Variants in UNC13C observed in about 807,000 individuals in gnomAD.
UNC13C encodes unc-13 homolog C.
UNC13C carries 174 observed loss-of-function variants against 245.4 expected under a neutral mutation model. The ratio of observed to expected loss-of-function variants is 0.71; its 90% CI spans 0.63 to 0.80. UNC13C has a LOEUF of 0.80. UNC13C is among the 30% of genes least tolerant of loss of function. The pLI is 0.00. For synonymous variants in UNC13C, 992 were observed against 895.1 expected (o/e 1.11, Z -1.93); for missense variants, 2,829 against 2,602.9 (o/e 1.09, Z -1.89).
Position 54,197,266 on chromosome 15 carries a change from CAGG to C in UNC13C, c.3072-37761_3072-37759del, listed in dbSNP as rs1422795520. Among the ~76,000 whole-genome samples, 21 of 152,128 alleles carry C rather than the reference CAGG, an allele frequency of 1.4e-4. No homozygotes were observed. In the South Asian group the frequency reaches 4.4e-3, roughly 32 times the overall value. On this transcript the variant is annotated intron_variant, in intron 4 of 32. Transcript: ENST00000260323. The stretch of plus-strand genomic sequence containing the variant: ...CCAAGGCAGGAAGATCACCTGAGGT[CAGG>C]AGATCGAGACCAGCCTGGCCAACAT...
In UNC13C at chr15:54,507,150, A is replaced by G. The variant is rs1017047715; in HGVS notation, c.5335A>G (p.Ile1779Val). The G allele has an allele frequency of 5.0e-6, 8 of 1,600,182 alleles. No individual in the cohort carries two copies. Among genetic ancestry groups the G allele is most frequent in the African/African-American group, 2.7e-5 (2 of 74,806 alleles). Residue 1779 changes from isoleucine to valine, a missense_variant, in exon 23 of 33, where the codon ATT becomes GTT. Coordinates refer to ENST00000260323, the MANE Select transcript of UNC13C (RefSeq NM_001080534.3). Reference sequence around the variant, plus strand: ...TAAAGTGCTGCTCCAGTATGCTGCAATTGTATCAAGTGATTTCAGTTCACA... The same window carrying G: ...TAAAGTGCTGCTCCAGTATGCTGCAGTTGTATCAAGTGATTTCAGTTCACA... The part of the protein sequence containing the change: ...INKVLLQYAA[I>V]VSSDFSSHCD...
intron 20 of UNC13C, among the ~76,000 whole-genome samples, chr15:54,495,928 G>C (rs1452783477): frequency 6.6e-6 from 1 of 151,944 alleles, no homozygotes; most frequent in Non-Finnish European, 1.5e-5. Context: ...ATGGGGTATA[G>C]GGTGTTGGGG....
intron 13 of UNC13C, among the ~76,000 whole-genome samples, chr15:54,306,945 A>G (rs1308405872): frequency 6.6e-6 from 1 of 151,998 alleles, no homozygotes; most frequent in Admixed American, 6.6e-5. Flanking sequence ...GTGCTGCTTA[A>G]TGGAGTCATT....
intron 10 of UNC13C, among the ~76,000 whole-genome samples, chr15:54,267,938 T>G (rs1333857882): frequency 6.6e-6 from 1 of 151,920 alleles, no homozygotes; most frequent in African/African-American, 2.4e-5. Context: ...CTGAGGACTT[T>G]TCTTTCTTTC....
the UNC13C span, among the ~76,000 whole-genome samples, chr15:53,858,172 G>A: frequency 2.6e-5 from 4 of 151,976 alleles, no homozygotes; most frequent in African/African-American, 9.7e-5. Flanking sequence ...GATAAGGTAG[G>A]CAACATATTA....
the UNC13C span, among the ~76,000 whole-genome samples, chr15:53,902,692 A>G: frequency 0.13 from 19,658 of 152,190 alleles, 1,701 homozygotes; most frequent in African/African-American, 0.24. Flanking sequence ...TGTCAGTACC[A>G]ACAGAAGCAA....
chr15:53,878,655 T>C, the UNC13C span, among the ~76,000 whole-genome samples: 5 of 152,100 alleles, frequency 3.3e-5, no homozygotes, highest in Non-Finnish European at 5.9e-5. Flanking sequence ...ACAATAATTT[T>C]AAGAAATATT....
intron 16 of UNC13C, among the ~76,000 whole-genome samples, chr15:54,335,672 A>G (rs57180283): frequency 0.016 from 2,377 of 152,284 alleles, 71 homozygotes; most frequent in African/African-American, 0.055. Flanking sequence ...ATAGAGAATC[A>G]TTGGTGTTGA....
At chr15:54,003,419 C>A (rs755545657) in intron 1 of UNC13C, among the ~76,000 whole-genome samples, 1 of 152,214 alleles carries the variant, frequency 6.6e-6, no homozygotes, top group East Asian at 1.9e-4. Context: ...TCGGGCCATG[C>A]CAAGATAGTA....
Position 54,498,074 on chromosome 15 carries a change from G to A in UNC13C, c.5061-2005G>A, listed in dbSNP as rs182252009. 2.8e-3 allele frequency among the ~76,000 whole-genome samples: 433 copies of A among 152,098 alleles called. 1 individual carries two copies. Among genetic ancestry groups the A allele is most frequent in the African/African-American group, 9.9e-3 (409 of 41,516 alleles). On this transcript the variant is annotated intron_variant, in intron 20 of 32. Coordinates refer to ENST00000260323, the MANE Select transcript of UNC13C (RefSeq NM_001080534.3). ...CCCAACAAACAGTAAGAACAAAGAA[G>A]TTTGAAAAATCTGAATAAAACATTT...
At chr15:54,182,165 C>T (rs748647324) in intron 4 of UNC13C, among the ~76,000 whole-genome samples, 2 of 151,838 alleles carry the variant, frequency 1.3e-5, no homozygotes, top group Admixed American at 6.6e-5. Context: ...ATGTTGCCTC[C>T]GTGTTTATCA....
At chr15:54,529,407 A>C (rs949706551) in intron 25 of UNC13C, among the ~76,000 whole-genome samples, 7 of 152,212 alleles carry the variant, frequency 4.6e-5, no homozygotes, top group Non-Finnish European at 8.8e-5. Flanking sequence ...ACCAAAAACT[A>C]GAAAAATGAA....
chr15:54,613,107 T>A (rs939535674), intron 30 of UNC13C, among the ~76,000 whole-genome samples: 6 of 151,862 alleles, frequency 4.0e-5, no homozygotes, highest in African/African-American at 1.4e-4. Context: ...AAAGCATAAA[T>A]AGATCTATAT....
intron 2 of UNC13C, among the ~76,000 whole-genome samples, chr15:54,093,921 T>G (rs1405898844): frequency 6.6e-6 from 1 of 152,174 alleles, no homozygotes; most frequent in Non-Finnish European, 1.5e-5. Context: ...TCTGTGGCAG[T>G]TATGAGAGCG....
chr15:54,154,409 A>G (rs1441437522), intron 4 of UNC13C, among the ~76,000 whole-genome samples: 1 of 152,178 alleles, frequency 6.6e-6, no homozygotes, highest in East Asian at 1.9e-4. Flanking sequence ...TATACCTGGG[A>G]AAATAATTAG....
rs536464643 is a variant in UNC13C at position 54,472,808 on chromosome 15, T to G, written c.4934-21800T>G. Reference sequence around the variant, plus strand: ...ATATAACAATTTGCTTTTCCTTTGCTGCTTTCAAGGCTCTCTTTTTGTTTT... The same window carrying G: ...ATATAACAATTTGCTTTTCCTTTGCGGCTTTCAAGGCTCTCTTTTTGTTTT... On this transcript the variant is annotated intron_variant, in intron 19 of 32. Coordinates refer to ENST00000260323, the MANE Select transcript of UNC13C (RefSeq NM_001080534.3). 6.5e-4 allele frequency among the ~76,000 whole-genome samples: 99 copies of G among 152,116 alleles called. 1 individual carries two copies. In the South Asian group the frequency reaches 0.011, roughly 17 times the overall value.
intron 4 of UNC13C, among the ~76,000 whole-genome samples, chr15:54,151,812 T>G (rs754499425): frequency 2.0e-5 from 3 of 152,100 alleles, no homozygotes; most frequent in Non-Finnish European, 4.4e-5. Context: ...CTTTAGCCAG[T>G]TCCTGGCGCT....
intron 2 of UNC13C, among the ~76,000 whole-genome samples, chr15:54,123,720 G>A (rs1389027220): frequency 6.6e-6 from 1 of 152,058 alleles, no homozygotes; most frequent in Non-Finnish European, 1.5e-5. Context: ...TTGGTATAAT[G>A]TGCAAGTATG....
chr15:54,364,420 C>G (rs527728357), intron 17 of UNC13C, among the ~76,000 whole-genome samples: 4 of 152,152 alleles, frequency 2.6e-5, no homozygotes, highest in Non-Finnish European at 5.9e-5. Flanking sequence ...CAACAAAGCT[C>G]AGAGACATCA....
Sources: allele counts gnomAD v4.1 joint callset (sites outside exome capture counted in the v4.1 genomes callset), GRCh38; gene constraint gnomAD v4.1.1; transcripts MANE v1.5; gene names NCBI Gene and HGNC (gene_info 2026-07-23, HGNC 2026-07-21).